The following ATP6V1H variants were observed in gnomAD, a reference collection of about 807,000 sequenced individuals.
ATP6V1H encodes the protein ATPase H+ transporting V1 subunit H, also known as V-type proton ATPase subunit H.
In ATP6V1H, 39 loss-of-function variants were observed where a neutral mutation model predicts 71.7. The ratio of observed to expected loss-of-function variants is 0.54; its 90% CI spans 0.42 to 0.71. The LOEUF is 0.71. Ranked by LOEUF, ATP6V1H falls within the 30% of genes least tolerant of loss-of-function variation. ATP6V1H has a pLI of 0.00. For synonymous variants in ATP6V1H, 192 were observed against 199.3 expected, an observed-to-expected ratio of 0.96 and a Z score of 0.31; for missense variants, 509 against 594.9, an observed-to-expected ratio of 0.86 and a Z score of 1.50.
chr8:53,794,758 T>C (rs1809677003), intron 9 of ATP6V1H, among the ~76,000 whole-genome samples: 10 of 152,350 alleles, frequency 6.6e-5, no homozygotes, highest in Admixed American at 5.9e-4. Context: ...TGGATTTGCA[T>C]GTCTGCTACC....
intron 13 of ATP6V1H, among the ~76,000 whole-genome samples, chr8:53,727,031 G>A (rs1165155565): frequency 6.6e-6 from 1 of 152,216 alleles, no homozygotes; most frequent in Non-Finnish European, 1.5e-5. Context: ...TATTTGCTAA[G>A]TTAGTTGATC....
intron 13 of ATP6V1H, among the ~76,000 whole-genome samples, chr8:53,741,245 C>A (rs1807404098): frequency 1.3e-5 from 2 of 152,124 alleles, no homozygotes; most frequent in South Asian, 4.1e-4. Flanking sequence ...ACATGATCAT[C>A]TGAACAACAA....
chr8:53,806,897 T>G (rs1298672620), intron 7 of ATP6V1H: 7 of 451,640 alleles, frequency 1.5e-5, no homozygotes, highest in South Asian at 9.4e-5. Flanking sequence ...GGATACTTCA[T>G]GTACTATTTC....
chr8:53,784,798 G>A (rs1295763920), intron 9 of ATP6V1H, among the ~76,000 whole-genome samples: 1 of 152,172 alleles, frequency 6.6e-6, no homozygotes, highest in Non-Finnish European at 1.5e-5. Flanking sequence ...CGCTTATGAA[G>A]CTTAGTTTGG....
chr8:53,799,466 G>A (rs1016843098), intron 8 of ATP6V1H, among the ~76,000 whole-genome samples: 6 of 152,074 alleles, frequency 3.9e-5, no homozygotes, highest in South Asian at 2.1e-4. Flanking sequence ...TCACCTTTAC[G>A]TTTCTGTGCA....
intron 9 of ATP6V1H, among the ~76,000 whole-genome samples, chr8:53,793,497 T>C (rs1809631156): frequency 6.6e-6 from 1 of 151,984 alleles, no homozygotes; most frequent in South Asian, 2.1e-4. Context: ...TTTTTTAAAT[T>C]AGCCAGGCTC....
At chr8:53,733,213 G>A (rs148734474) in intron 13 of ATP6V1H, among the ~76,000 whole-genome samples, 31 of 152,298 alleles carry the variant, frequency 2.0e-4, no homozygotes, top group Middle Eastern at 3.4e-3. Flanking sequence ...TGGTTCACCC[G>A]CCTGGACTTG....
chr8:53,716,098 T>C, intron 13 of ATP6V1H, 74 bp from the exon 14 acceptor site: 7 of 1,188,400 alleles, frequency 5.9e-6, no homozygotes, highest in Middle Eastern at 1.9e-4. Flanking sequence ...TGAAACACAT[T>C]ATGCACTGTC....
intron 13 of ATP6V1H, among the ~76,000 whole-genome samples, chr8:53,732,454 T>C (rs1192578074): frequency 1.3e-5 from 2 of 152,108 alleles, no homozygotes; most frequent in African/African-American, 4.8e-5. Context: ...GAGAACTCTC[T>C]GTGAATGTAA....
chr8:53,820,625 C>T (rs1810619322), intron 4 of ATP6V1H, among the ~76,000 whole-genome samples: 2 of 150,556 alleles, frequency 1.3e-5, no homozygotes, highest in Admixed American at 1.3e-4. Flanking sequence ...TATAATGGCG[C>T]CATTGCATTC....
intron 2 of ATP6V1H, 48 bp from the exon 3 acceptor site, chr8:53,833,134 A>AC (rs1443401485): frequency 4.1e-6 from 6 of 1,474,324 alleles, no homozygotes; most frequent in Non-Finnish European, 5.7e-6. Flanking sequence ...TTGAATATGT[A>AC]AGCAAGCGAT....
chr8:53,735,007 C>T (rs1231603850), intron 13 of ATP6V1H, among the ~76,000 whole-genome samples: 1 of 152,142 alleles, frequency 6.6e-6, no homozygotes, highest in Non-Finnish European at 1.5e-5. Context: ...GTTGTTAGGC[C>T]AGTTATTCTA....
chr8:53,822,885 A>G (rs1163286637), intron 4 of ATP6V1H, among the ~76,000 whole-genome samples: 1 of 152,224 alleles, frequency 6.6e-6, no homozygotes, highest in Non-Finnish European at 1.5e-5. Flanking sequence ...TGTATTAAGT[A>G]TGATAAAAGG....
chr8:53,767,294 T>C (rs772048624), intron 11 of ATP6V1H, among the ~76,000 whole-genome samples: 18 of 152,200 alleles, frequency 1.2e-4, no homozygotes, highest in Non-Finnish European at 2.2e-4. Flanking sequence ...AAAAACAGGA[T>C]GTTAGAAACA....
At chr8:53,778,686 A>C (rs1808981445) in intron 9 of ATP6V1H, among the ~76,000 whole-genome samples, 1 of 152,208 alleles carries the variant, frequency 6.6e-6, no homozygotes, top group African/African-American at 2.4e-5. Flanking sequence ...AGCAAACAGA[A>C]AACAAAGAGT....
In ATP6V1H at chr8:53,841,684, T is replaced by C. The variant is rs764637884; in HGVS notation, c.7A>G (p.Lys3Glu). Reference sequence around the variant, plus strand: ...TCCACAGCACCTCGGATATCCATTTTGGTCATCTAAACTTCGTAATCTTGA... The same window carrying C: ...TCCACAGCACCTCGGATATCCATTTCGGTCATCTAAACTTCGTAATCTTGA... MT[K>E]MDIRGAVDAA... Residue 3 changes from lysine (K) to glutamate (E), a missense_variant, in exon 2 of 14, where the codon AAA becomes GAA. This residue lies in a region of ATP6V1H where 297 missense variants were observed against 303.3 expected (regional missense o/e 0.98). Coordinates refer to ENST00000359530, the MANE Select transcript of ATP6V1H (RefSeq NM_015941.4). The C allele has an allele frequency of 1.2e-5, 19 of 1,613,718 alleles. No individual in the cohort carries two copies. The highest frequency in any genetic ancestry group is 1.6e-5 in the Non-Finnish European group (19 of 1,179,836).
chr8:53,839,289 C>T (rs1055154135), intron 2 of ATP6V1H, among the ~76,000 whole-genome samples: 3 of 152,192 alleles, frequency 2.0e-5, no homozygotes, highest in Non-Finnish European at 2.9e-5. Flanking sequence ...AAACATAAAA[C>T]TCCCTGTCCT....
chr8:53,817,494 CAT>C lies in ATP6V1H; in HGVS notation c.341_342del (p.Tyr114CysfsTer4). On this transcript the variant is annotated frameshift_variant, in exon 5 of 14. Transcript: ENST00000359530. LOFTEE classifies it high-confidence loss of function. Reference sequence around the variant, plus strand: ...CACGCAGTGTTCTTGCTACATCTTGCATAGTCAAAGAAAATGCTAACACGCTG... The same window carrying C: ...CACGCAGTGTTCTTGCTACATCTTGCAGTCAAAGAAAATGCTAACACGCTG... ...NHQRVSIFFD[Y>X]ARCSKNTAWP... is the part of the protein sequence containing the mutation. 1.2e-6 allele frequency: 2 copies of C among 1,610,984 alleles called. No homozygotes were observed. Among genetic ancestry groups the C allele is most frequent in the Non-Finnish European group, 1.7e-6 (2 of 1,178,142 alleles).
chr8:53,717,011 G>C (rs1806447756), intron 13 of ATP6V1H, among the ~76,000 whole-genome samples: 1 of 152,212 alleles, frequency 6.6e-6, no homozygotes, highest in Admixed American at 6.5e-5. Flanking sequence ...GCTCTAGGAG[G>C]CACTGGGTAT....
Sources: gnomAD v4.1 joint callset for allele counts (sites outside exome capture counted in the v4.1 genomes callset) on GRCh38, gnomAD v4.1.1 for gene constraint, gnomAD v4.1.1 regional missense constraint, MANE v1.5 for transcripts, NCBI Gene and HGNC (gene_info 2026-07-23, HGNC 2026-07-21) for gene names.